The following CSMD3 variants were observed in gnomAD, a reference collection of about 807,000 sequenced individuals.
CSMD3 encodes CUB and sushi domain-containing protein 3.
CSMD3 carries 177 observed loss-of-function variants against 435.2 expected under a neutral mutation model. The observed-to-expected ratio is 0.41, with a 90% confidence interval of 0.36 to 0.46. The LOEUF (loss-of-function observed/expected upper bound fraction) is 0.46. CSMD3 is among the 20% of genes least tolerant of loss of function. The pLI, the probability that CSMD3 is intolerant of heterozygous loss-of-function variation, is 0.34. For synonymous variants in CSMD3, 1,656 were observed against 1,520.5 expected (o/e 1.09, Z -2.07); for missense variants, 4,265 against 4,504.6 (o/e 0.95, Z 1.52).
intron 45 of CSMD3, among the ~76,000 whole-genome samples, chr8:112,330,876 T>C (rs1823981457): frequency 6.6e-6 from 1 of 151,982 alleles, no homozygotes; most frequent in Admixed American, 6.6e-5. Flanking sequence ...ATTTTAGCTG[T>C]TGTTATTGTT....
At position 112,799,968 on chromosome 8, in the gene CSMD3, A is replaced by G. The variant is rs573996689; in HGVS notation, c.1972+194T>C. Among the ~76,000 whole-genome samples the G allele has an allele frequency of 2.6e-5, 4 of 152,102 alleles. No homozygotes were observed. In the East Asian group the frequency reaches 7.7e-4, roughly 29 times the overall value. On this transcript the variant is annotated intron_variant, in intron 13 of 70. Coordinates refer to ENST00000297405, the MANE Select transcript of CSMD3 (RefSeq NM_198123.2). ...GAGGTATGCAAAATAGACACATTTTAAAGGAAAAACTCATTTTATTTAAAG... is the reference window on the plus strand; with the variant it reads ...GAGGTATGCAAAATAGACACATTTTGAAGGAAAAACTCATTTTATTTAAAG...
At chr8:113,207,357 CGA>C (rs1458801014) in intron 3 of CSMD3, among the ~76,000 whole-genome samples, 1 of 150,906 alleles carries the variant, frequency 6.6e-6, no homozygotes, top group East Asian at 1.9e-4. Flanking sequence ...TTTTTTCTCC[CGA>C]AATATAATAA....
intron 27 of CSMD3, 87 bp downstream of exon 27, chr8:112,550,580 TTTAA>T: frequency 1.4e-6 from 1 of 697,816 alleles, no homozygotes; most frequent in Non-Finnish European, 2.5e-6. Flanking sequence ...TCATTAAAAT[TTTAA>T]AATTAAAATT....
intron 6 of CSMD3, among the ~76,000 whole-genome samples, chr8:112,977,811 T>G (rs552354554): frequency 1.2e-4 from 18 of 152,210 alleles, no homozygotes; most frequent in Admixed American, 4.6e-4. Flanking sequence ...ATAACCTATT[T>G]CATAGATCAG....
In CSMD3 at chr8:112,668,418, A is replaced by T. The variant is rs764605513; in HGVS notation, c.2678-2003T>A. 4.5e-4 allele frequency among the ~76,000 whole-genome samples: 69 copies of T among 152,150 alleles called. 1 individual carries two copies. Among genetic ancestry groups the T allele is most frequent in the Non-Finnish European group, 1.0e-4 (7 of 68,032 alleles). On this transcript the variant is annotated intron_variant, in intron 16 of 70. Transcript: ENST00000297405. ...AGAAAAGTATTCACTCATTCATTCAACCTAATCATCATTAGACGAGGTAAT... is the reference window on the plus strand; with the variant it reads ...AGAAAAGTATTCACTCATTCATTCATCCTAATCATCATTAGACGAGGTAAT...
At chr8:112,563,246 C>T (rs1828794381) in intron 24 of CSMD3, among the ~76,000 whole-genome samples, 1 of 151,622 alleles carries the variant, frequency 6.6e-6, no homozygotes, top group Non-Finnish European at 1.5e-5. Context: ...TCAAACTATA[C>T]AAAAATCAAA....
intron 11 of CSMD3, among the ~76,000 whole-genome samples, chr8:112,838,154 A>G (rs1346175793): frequency 6.6e-6 from 1 of 151,730 alleles, no homozygotes; most frequent in East Asian, 1.9e-4. Flanking sequence ...AAAACCCCAG[A>G]CACTGCCAAG....
intron 1 of CSMD3, among the ~76,000 whole-genome samples, chr8:113,386,784 A>G (rs2094441254): frequency 6.6e-6 from 1 of 151,872 alleles, no homozygotes; most frequent in Admixed American, 6.6e-5. Flanking sequence ...ACTTAGTTTT[A>G]CCGAAAACAA....
chr8:113,082,160 T>C (rs2131458586), intron 5 of CSMD3, among the ~76,000 whole-genome samples: 1 of 140,368 alleles, frequency 7.1e-6, no homozygotes, highest in East Asian at 2.3e-4. Flanking sequence ...CTGTTGCTAC[T>C]GCATGCCAAA....
At chr8:112,766,082 T>C (rs1202343240) in intron 13 of CSMD3, among the ~76,000 whole-genome samples, 1 of 151,696 alleles carries the variant, frequency 6.6e-6, no homozygotes, top group Non-Finnish European at 1.5e-5. Flanking sequence ...GATCAATGAT[T>C]GTATTGAAGA....
chr8:113,028,878 C>G (rs1587922047), intron 5 of CSMD3, among the ~76,000 whole-genome samples: 1 of 151,610 alleles, frequency 6.6e-6, no homozygotes, highest in South Asian at 2.1e-4. Context: ...TGCAAGCTAT[C>G]CAGACGGTCT....
At chr8:113,261,390 T>C (rs571651005) in intron 3 of CSMD3, among the ~76,000 whole-genome samples, 12 of 152,268 alleles carry the variant, frequency 7.9e-5, no homozygotes, top group African/African-American at 2.9e-4. Context: ...TTAGCATGTA[T>C]TTTTCAATTA....
At chr8:112,449,098 C>T (rs1431170298) in intron 32 of CSMD3, among the ~76,000 whole-genome samples, 1 of 152,062 alleles carries the variant, frequency 6.6e-6, no homozygotes, top group East Asian at 1.9e-4. Flanking sequence ...TCTCAATCTA[C>T]ACGATTTGGG....
At position 112,238,604 on chromosome 8, in the gene CSMD3, T is replaced by C. The variant is rs145694688; in HGVS notation, c.10469-1256A>G. The stretch of plus-strand genomic sequence containing the variant: ...GTCTCATTCATGATTTTAAATGAAA[T>C]ACTGCTGAATGTTTTCTCATATAAC... On this transcript the variant is annotated intron_variant, in intron 66 of 70. Transcript: ENST00000297405. 2.0e-3 allele frequency among the ~76,000 whole-genome samples: 297 copies of C among 152,122 alleles called. 1 individual carries two copies. The highest frequency in any genetic ancestry group is 6.7e-3 in the African/African-American group (278 of 41,552).
intron 1 of CSMD3, among the ~76,000 whole-genome samples, chr8:113,402,798 G>T (rs2094515882): frequency 6.6e-6 from 1 of 151,400 alleles, no homozygotes; most frequent in Admixed American, 6.6e-5. Flanking sequence ...TTAGTATAAG[G>T]AGTTAAGCAT....
intron 42 of CSMD3, among the ~76,000 whole-genome samples, chr8:112,339,634 T>A (rs949759339): frequency 2.6e-5 from 4 of 152,186 alleles, no homozygotes; most frequent in Non-Finnish European, 5.9e-5. Context: ...CAACAGGACT[T>A]ACCAAACCTA....
chr8:112,441,553 T>G (rs1191407159), intron 32 of CSMD3, among the ~76,000 whole-genome samples: 1 of 152,210 alleles, frequency 6.6e-6, no homozygotes. Context: ...TTTACTGTAT[T>G]AGTCCATTCT....
intron 45 of CSMD3, among the ~76,000 whole-genome samples, chr8:112,327,881 A>G (rs2130908661): frequency 6.6e-6 from 1 of 152,210 alleles, no homozygotes; most frequent in African/African-American, 2.4e-5. Flanking sequence ...GTTATTTTTA[A>G]TTTTCTATTT....
intron 3 of CSMD3, among the ~76,000 whole-genome samples, chr8:113,276,404 A>G (rs1342701547): frequency 6.6e-6 from 1 of 152,068 alleles, no homozygotes; most frequent in Non-Finnish European, 1.5e-5. Context: ...TTCCAAGGTG[A>G]GGAGGATTCT....
Sources: gnomAD v4.1 joint callset for allele counts (sites outside exome capture counted in the v4.1 genomes callset) on GRCh38, gnomAD v4.1.1 for gene constraint, MANE v1.5 for transcripts, NCBI Gene and HGNC (gene_info 2026-07-23, HGNC 2026-07-21) for gene names.